CALD1: variants seen among roughly 807,000 people sequenced by gnomAD.
The protein encoded by CALD1 is caldesmon.
CALD1 carries 33 observed loss-of-function variants against 99.9 expected under a neutral mutation model. That is an observed-to-expected ratio of 0.33 (90% CI 0.25 to 0.44). The LOEUF (loss-of-function observed/expected upper bound fraction) is 0.44. CALD1 is among the 20% of genes least tolerant of loss of function. CALD1 has a pLI of 1.00. For synonymous variants in CALD1, 310 were observed against 325.0 expected (o/e 0.95, Z 0.50); for missense variants, 861 against 962.1 (o/e 0.89, Z 1.39).
chr7:134,738,078 T>G, the CALD1 span, among the ~76,000 whole-genome samples: 1 of 152,246 alleles, frequency 6.6e-6, no homozygotes, highest in East Asian at 1.9e-4. Context: ...TCCCTGACGG[T>G]TCAGGCCTCC....
chr7:134,794,919 T>C (rs552052961), intron 1 of CALD1, among the ~76,000 whole-genome samples: 1 of 152,354 alleles, frequency 6.6e-6, no homozygotes, highest in South Asian at 2.1e-4. Flanking sequence ...ATTTTCCAGA[T>C]ATTCCTTAGA....
At chr7:134,782,282 G>A (rs1797136044) in intron 1 of CALD1, among the ~76,000 whole-genome samples, 1 of 152,190 alleles carries the variant, frequency 6.6e-6, no homozygotes, top group Non-Finnish European at 1.5e-5. Context: ...AGAGTGGTAT[G>A]CAAATAGCAT....
chr7:134,887,722 G>A (rs543972650), intron 3 of CALD1, among the ~76,000 whole-genome samples: 3 of 146,510 alleles, frequency 2.0e-5, no homozygotes, highest in Admixed American at 6.9e-5. Flanking sequence ...GCATGCATGC[G>A]TATATGTGTT....
chr7:134,887,921 A>G (rs1014832), intron 3 of CALD1, among the ~76,000 whole-genome samples: 120,395 of 152,176 alleles, frequency 0.79, 48,351 homozygotes, highest in East Asian at 0.95. Flanking sequence ...GCATTAGGGC[A>G]TATGCACAGC....
At chr7:134,832,664 A>G (rs915772857) in intron 1 of CALD1, among the ~76,000 whole-genome samples, 3 of 152,228 alleles carry the variant, frequency 2.0e-5, no homozygotes, top group Non-Finnish European at 4.4e-5. Flanking sequence ...TTTAAGCCAC[A>G]TCGGGAAATG....
At position 134,934,050 on chromosome 7, in the gene CALD1, A is replaced by T. The variant is rs762289688; in HGVS notation, c.1281A>T (p.Lys427Asn). 5.6e-6 allele frequency: 9 copies of T among 1,611,546 alleles called. No homozygotes were observed. In the South Asian group the frequency reaches 9.9e-5, roughly 18 times the overall value. Reference protein sequence around the residue: ...WVNEKKAQEDKLQTAVLKKQG... With the variant: ...WVNEKKAQEDNLQTAVLKKQG... ...ATGAAAAGAAAGCACAAGAAGATAA[A>T]CTTCAGACAGCTGTCCTAAAGAAAC... is the stretch of plus-strand genomic sequence containing the variant. The change falls in exon 5 of 15, where the codon AAA becomes AAT. Residue 427 changes from lysine (K) to asparagine (N), a missense_variant. Around this residue, in one of 5 missense-constraint regions of CALD1, gnomAD observed 293 missense variants for 262.7 expected, o/e 1.12. Transcript: ENST00000361675.
At chr7:134,937,683 T>C (rs1485423792) in intron 6 of CALD1, among the ~76,000 whole-genome samples, 1 of 152,000 alleles carries the variant, frequency 6.6e-6, no homozygotes, top group Non-Finnish European at 1.5e-5. Flanking sequence ...CTAAAACCTT[T>C]CCTTTCAAGG....
intron 3 of CALD1, among the ~76,000 whole-genome samples, chr7:134,906,347 G>A (rs1004350541): frequency 2.0e-5 from 3 of 152,208 alleles, no homozygotes; most frequent in African/African-American, 4.8e-5. Flanking sequence ...GGGGTTGGCC[G>A]GGTGATGGCT....
Position 134,779,658 on chromosome 7 carries a change from C to A in CALD1, c.-221C>A. 2 of 398,780 alleles carry A rather than the reference C, an allele frequency of 5.0e-6. No individual in the cohort carries two copies. The highest frequency in any genetic ancestry group is 8.8e-6 in the Non-Finnish European group (2 of 226,226). The allele number at this position is 398,780 out of a possible 1,614,324, so 24.7% of individuals were successfully genotyped here. ...CAGTGTGTATTCGGCTGCCTGCCTG[C>A]CCGCCTGCTTGCTCTCTGGCTGTGC... On this transcript the variant is annotated 5_prime_UTR_variant, in exon 1 of 15. Transcript: ENST00000361675.
chr7:134,907,824 A>G (rs978990964), intron 3 of CALD1, among the ~76,000 whole-genome samples: 6 of 152,122 alleles, frequency 3.9e-5, no homozygotes, highest in Non-Finnish European at 5.9e-5. Flanking sequence ...AGACACGAGC[A>G]ATCCTTCTGG....
the CALD1 span, among the ~76,000 whole-genome samples, chr7:134,736,079 TC>T: frequency 6.6e-6 from 1 of 152,200 alleles, no homozygotes; most frequent in East Asian, 1.9e-4. Flanking sequence ...CCTCATTGCT[TC>T]CTGCATACAG....
intron 1 of CALD1, among the ~76,000 whole-genome samples, chr7:134,750,686 T>C (rs12539126): frequency 0.13 from 19,782 of 152,176 alleles, 1,534 homozygotes; most frequent in Non-Finnish European, 0.17. Context: ...ATACCCAATA[T>C]TTGAATTTTT....
intron 7 of CALD1, among the ~76,000 whole-genome samples, chr7:134,945,687 T>G (rs1313945988): frequency 6.6e-6 from 1 of 152,200 alleles, no homozygotes; most frequent in African/African-American, 2.4e-5. Context: ...AGTAATAACC[T>G]TAACCACATC....
At chr7:134,726,217 AG>A in the CALD1 span, among the ~76,000 whole-genome samples, 25 of 151,516 alleles carry the variant, frequency 1.6e-4, no homozygotes, top group South Asian at 3.1e-3. Context: ...ACAACACATA[AG>A]GAGAAGAAAA....
chr7:134,899,232 G>C (rs946540087), intron 3 of CALD1, among the ~76,000 whole-genome samples: 2 of 145,538 alleles, frequency 1.4e-5, no homozygotes, highest in African/African-American at 5.1e-5. Context: ...TTGAGATAGA[G>C]TTTCACTCTT....
chr7:134,942,590 G>C (rs1315416775), intron 7 of CALD1, among the ~76,000 whole-genome samples: 1 of 152,204 alleles, frequency 6.6e-6, no homozygotes, highest in Non-Finnish European at 1.5e-5. Flanking sequence ...AATCTACAAA[G>C]CGAGTTGATT....
upstream of CALD1, among the ~76,000 whole-genome samples, chr7:134,778,726 T>G (rs1302991426): frequency 6.6e-6 from 1 of 152,198 alleles, no homozygotes; most frequent in African/African-American, 2.4e-5. Flanking sequence ...TTATGTCACC[T>G]CTGCGGGATA....
chr7:134,725,940 T>C, the CALD1 span, among the ~76,000 whole-genome samples: 2 of 152,220 alleles, frequency 1.3e-5, no homozygotes, highest in Admixed American at 6.5e-5. Flanking sequence ...AAAACCTCTA[T>C]GGGGTCCCCT....
In CALD1 at chr7:134,793,325, G is replaced by A. The variant is rs573472746; in HGVS notation, c.-130+13576G>A. Among the ~76,000 whole-genome samples the A allele has an allele frequency of 9.9e-5, 15 of 152,246 alleles. No homozygotes were observed. The South Asian group carries it at 2.9e-3, about 29-fold the overall frequency. On this transcript the variant is annotated intron_variant, in intron 1 of 14. Transcript: ENST00000361675. ...ATATTTGAAGCCTACACATATTTGC[G>A]CTCTGAATCATTTGTCTCTTGTCTT...
Sources: allele counts gnomAD v4.1 joint callset (sites outside exome capture counted in the v4.1 genomes callset), GRCh38; gene constraint gnomAD v4.1.1; regional missense constraint gnomAD v4.1.1; transcripts MANE v1.5; gene names NCBI Gene and HGNC (gene_info 2026-07-23, HGNC 2026-07-21).